The following OSBP2 variants were observed in gnomAD, a reference collection of about 807,000 sequenced individuals.
OSBP2 encodes the protein oxysterol-binding protein 2.
OSBP2 carries 66 observed loss-of-function variants against 96.0 expected under a neutral mutation model. The observed-to-expected ratio is 0.69, with a 90% CI of 0.56 to 0.84. OSBP2 has a LOEUF of 0.84. Ranked by LOEUF, OSBP2 falls within the 40% of genes least tolerant of loss-of-function variation. The probability of loss-of-function intolerance (pLI) is 0.00; values close to 1 mark genes in which losing one functional copy is unlikely to be tolerated. For synonymous variants in OSBP2, 525 were observed against 520.9 expected, an observed-to-expected ratio of 1.01 and a Z score of -0.11; for missense variants, 1,038 against 1,222.7, an observed-to-expected ratio of 0.85 and a Z score of 2.25.
intron 2 of OSBP2, among the ~76,000 whole-genome samples, chr22:30,818,561 G>T (rs1189410056): frequency 6.6e-6 from 1 of 152,144 alleles, no homozygotes. Context: ...TTCTGGGGCC[G>T]CCGTGAGTGC....
At chr22:30,735,970 G>A (rs2089848082) in intron 1 of OSBP2, among the ~76,000 whole-genome samples, 2 of 151,830 alleles carry the variant, frequency 1.3e-5, no homozygotes. Flanking sequence ...CTGGAGTGTG[G>A]TGGCACGATC....
intron 2 of OSBP2, among the ~76,000 whole-genome samples, chr22:30,850,392 C>G (rs892972703): frequency 2.0e-5 from 3 of 151,842 alleles, no homozygotes; most frequent in African/African-American, 4.8e-5. Flanking sequence ...TCCATACTTA[C>G]GCCAATACTA....
chr22:30,878,262 G>A (rs951531652), intron 3 of OSBP2, among the ~76,000 whole-genome samples: 6 of 152,270 alleles, frequency 3.9e-5, no homozygotes, highest in Non-Finnish European at 8.8e-5. Context: ...GTGCATTTTA[G>A]CAAGACCCCT....
chr22:30,789,412 CT>C (rs986182005), intron 2 of OSBP2, among the ~76,000 whole-genome samples: 8 of 152,150 alleles, frequency 5.3e-5, no homozygotes, highest in African/African-American at 1.9e-4. Flanking sequence ...AATCTGCTGT[CT>C]TTTAGAAGTG....
intron 6 of OSBP2, 84 bp from the exon 7 acceptor site, chr22:30,889,406 C>T: frequency 1.3e-6 from 2 of 1,546,606 alleles, no homozygotes; most frequent in Non-Finnish European, 1.8e-6. Context: ...GGTGCCAGTC[C>T]TCAGGGTGGA....
At chr22:30,722,953 C>T (rs1190535877) in intron 1 of OSBP2, among the ~76,000 whole-genome samples, 9 of 151,012 alleles carry the variant, frequency 6.0e-5, no homozygotes, top group Non-Finnish European at 1.3e-4. Context: ...CAGGATAATT[C>T]TTTTTGAATT....
At chr22:30,825,815 C>T (rs897351022) in intron 2 of OSBP2, among the ~76,000 whole-genome samples, 1 of 152,110 alleles carries the variant, frequency 6.6e-6, no homozygotes, top group African/African-American at 2.4e-5. Flanking sequence ...CTCAAAGCAC[C>T]CCTGCTTGCC....
intron 2 of OSBP2, chr22:30,803,085 A>AGGCGGC (rs570066052): frequency 5.7e-5 from 12 of 209,042 alleles, no homozygotes; most frequent in African/African-American, 9.5e-5. Context: ...GGCGGCGGGA[A>AGGCGGC]GGCGGCGGCG....
intron 3 of OSBP2, among the ~76,000 whole-genome samples, chr22:30,884,073 T>C (rs1305304531): frequency 1.3e-5 from 2 of 152,200 alleles, no homozygotes; most frequent in Non-Finnish European, 2.9e-5. Flanking sequence ...GCAAATTGTA[T>C]GATGGACAGT....
At chr22:30,896,974 C>T (rs948519231) in intron 12 of OSBP2, among the ~76,000 whole-genome samples, 8 of 152,052 alleles carry the variant, frequency 5.3e-5, no homozygotes, top group Admixed American at 5.2e-4. Context: ...AATCCAGATA[C>T]CCAGACCTTC....
At chr22:30,872,530 C>A (rs2039479970) in intron 3 of OSBP2, 1 of 373,676 alleles carries the variant, frequency 2.7e-6, no homozygotes, top group South Asian at 2.0e-5. Flanking sequence ...AGAAGCACAA[C>A]CCCCTGGGGT....
intron 1 of OSBP2, among the ~76,000 whole-genome samples, chr22:30,735,765 C>T (rs2145730935): frequency 6.6e-6 from 1 of 152,040 alleles, no homozygotes; most frequent in East Asian, 1.9e-4. Context: ...CTCTGTTGAC[C>T]AGGCTGGAGT....
At chr22:30,765,323 C>G (rs1048000607) in intron 2 of OSBP2, among the ~76,000 whole-genome samples, 1 of 152,170 alleles carries the variant, frequency 6.6e-6, no homozygotes, top group African/African-American at 2.4e-5. Context: ...GATTCTCCTG[C>G]CTCAGCCTCC....
At chr22:30,721,406 C>T (rs1333439733) in intron 1 of OSBP2, among the ~76,000 whole-genome samples, 1 of 152,190 alleles carries the variant, frequency 6.6e-6, no homozygotes, top group Non-Finnish European at 1.5e-5. Flanking sequence ...ACTCTGAACC[C>T]AGTGCCTGGC....
chr22:30,870,835 C>T lies in OSBP2; in HGVS notation c.1107+153C>T, dbSNP rs2039443437. 6.6e-6 allele frequency among the ~76,000 whole-genome samples: 1 copy of T among 152,166 alleles called. No homozygotes were observed. The highest frequency in any genetic ancestry group is 1.5e-5 in the Non-Finnish European group (1 of 68,030). Reference sequence around the variant, plus strand: ...AAGCCAGCGCCCCCCAGCTAGCTTCCGAGTTCTTAAATCATCTCCTTCACT... The same window carrying T: ...AAGCCAGCGCCCCCCAGCTAGCTTCTGAGTTCTTAAATCATCTCCTTCACT... On this transcript the variant is annotated intron_variant, in intron 3 of 13. Transcript: ENST00000332585. The surrounding 1 kb of genome is among the most constrained non-coding windows in gnomAD (Gnocchi z 4.1).
intron 2 of OSBP2, among the ~76,000 whole-genome samples, chr22:30,794,877 T>C (rs1255766130): frequency 6.6e-6 from 1 of 152,066 alleles, no homozygotes; most frequent in South Asian, 2.1e-4. Flanking sequence ...CAAAGCATAA[T>C]TGTTATTGTT....
At chr22:30,699,216 A>C (rs552831476) in intron 1 of OSBP2, among the ~76,000 whole-genome samples, 1 of 152,292 alleles carries the variant, frequency 6.6e-6, no homozygotes, top group East Asian at 1.9e-4. Flanking sequence ...AACTGCTGAG[A>C]TTACAGGCAT....
intron 2 of OSBP2, among the ~76,000 whole-genome samples, chr22:30,854,631 A>G (rs547388552): frequency 1.6e-5 from 2 of 121,574 alleles, no homozygotes; most frequent in South Asian, 5.1e-4. Context: ...TTTAAGTAAC[A>G]TTTAAAGTGA....
rs146744449 is a variant in OSBP2 at position 30,754,619 on chromosome 22, C to G, written c.853+13250C>G. Reference sequence around the variant, plus strand: ...CCCACCCTGCTCTGTAGCAAGCTGCCTTACCTTCCCCATGTCCTTTGTGTC... The same window carrying G: ...CCCACCCTGCTCTGTAGCAAGCTGCGTTACCTTCCCCATGTCCTTTGTGTC... On this transcript the variant is annotated intron_variant, in intron 2 of 13. Transcript: ENST00000332585. Among the ~76,000 whole-genome samples, 1,514 of 152,296 alleles carry G rather than the reference C, an allele frequency of 9.9e-3. 18 individuals are homozygous for G. Among genetic ancestry groups the G allele is most frequent in the Non-Finnish European group, 0.014 (921 of 68,020 alleles).
Sources: gnomAD v4.1 joint callset for allele counts (sites outside exome capture counted in the v4.1 genomes callset) on GRCh38, gnomAD v4.1.1 for gene constraint, Gnocchi (gnomAD v3.1) non-coding constraint, MANE v1.5 for transcripts, NCBI Gene and HGNC (gene_info 2026-07-23, HGNC 2026-07-21) for gene names.